Variants in PPP4R4 observed in about 807,000 individuals in gnomAD.
The protein encoded by PPP4R4 is protein phosphatase 4 regulatory subunit 4.
In PPP4R4, 70 loss-of-function variants were observed where a neutral mutation model predicts 121.8. The ratio of observed to expected loss-of-function variants is 0.57; its 90% confidence interval spans 0.47 to 0.70. The LOEUF (loss-of-function observed/expected upper bound fraction) is 0.70. Ranked by LOEUF, PPP4R4 falls within the 30% of genes least tolerant of loss-of-function variation. PPP4R4 has a pLI of 0.00. For synonymous variants in PPP4R4, 348 were observed against 355.7 expected (o/e 0.98, Z 0.24); for missense variants, 875 against 1,033.6 (o/e 0.85, Z 2.10).
At chr14:94,260,747 T>A (rs4905175) in intron 19 of PPP4R4, among the ~76,000 whole-genome samples, 35,836 of 151,928 alleles carry the variant, frequency 0.24, 5,066 homozygotes, top group East Asian at 0.59. Context: ...TATTATGAAT[T>A]TTTTCTTGGA....
intron 8 of PPP4R4, among the ~76,000 whole-genome samples, chr14:94,239,274 G>A (rs1056149109): frequency 2.7e-5 from 4 of 149,482 alleles, no homozygotes; most frequent in African/African-American, 9.9e-5. Context: ...ATGTATACAT[G>A]TGCCATGTTG....
chr14:94,262,245 T>C (rs1241241657), intron 19 of PPP4R4, among the ~76,000 whole-genome samples: 1 of 151,992 alleles, frequency 6.6e-6, no homozygotes, highest in Non-Finnish European at 1.5e-5. Flanking sequence ...AATGTAGATC[T>C]TCTGTTTCTT....
intron 23 of PPP4R4, among the ~76,000 whole-genome samples, chr14:94,270,379 T>C (rs1894259915): frequency 6.6e-6 from 1 of 152,220 alleles, no homozygotes; most frequent in African/African-American, 2.4e-5. Context: ...ATTTATAAGC[T>C]GATTCTAAAA....
chr14:94,225,877 T>C (rs1056930752), intron 3 of PPP4R4, among the ~76,000 whole-genome samples: 12 of 152,194 alleles, frequency 7.9e-5, no homozygotes, highest in Non-Finnish European at 1.3e-4. Context: ...CTGTTTCCTC[T>C]TTCTTATAGA....
In PPP4R4 at chr14:94,273,459, G is replaced by A. The variant is rs118029897; in HGVS notation, c.2450-1915G>A. ...ATAAGTAGTTGTCAGGGGTTCGGGG[G>A]AAGGAGAAATGAATAGATGGAGCAC... On this transcript the variant is annotated intron_variant, in intron 23 of 24. Transcript: ENST00000304338. Among the ~76,000 whole-genome samples the A allele has an allele frequency of 4.0e-4, 61 of 152,260 alleles. No individual in the cohort carries two copies. The East Asian group carries it at 9.8e-3, about 25-fold the overall frequency.
intron 19 of PPP4R4, among the ~76,000 whole-genome samples, chr14:94,262,504 A>G (rs916474560): frequency 6.6e-6 from 1 of 151,786 alleles, no homozygotes; most frequent in African/African-American, 2.4e-5. Flanking sequence ...ACATATTGTT[A>G]TTATTATATC....
Position 94,174,428 on chromosome 14 carries a change from GCCGCTCCGGC to G in PPP4R4, c.-34_-25del, listed in dbSNP as rs773108417. 2.7e-6 allele frequency: 4 copies of G among 1,504,242 alleles called. No individual in the cohort carries two copies. In the South Asian group the frequency reaches 5.0e-5, roughly 19 times the overall value. 93.2% of individuals were successfully genotyped at this position (1,504,242 alleles called of 1,614,324 possible). ...GGCTGAGGGCGTCCGGCATCCCGGGGCCGCTCCGGCCCGGGCGGCGAGAGTGCCCGGCGGT... is the reference window on the plus strand; with the variant it reads ...GGCTGAGGGCGTCCGGCATCCCGGGGCCGGGCGGCGAGAGTGCCCGGCGGT... On this transcript the variant is annotated 5_prime_UTR_variant, in exon 1 of 25. Coordinates refer to ENST00000304338, the MANE Select transcript of PPP4R4 (RefSeq NM_058237.2).
At chr14:94,208,698 A>T (rs1890590379) in intron 3 of PPP4R4, 132 bp downstream of exon 3, 1 of 514,660 alleles carries the variant, frequency 1.9e-6, no homozygotes, top group Admixed American at 3.6e-5. Flanking sequence ...GTGTTATTAT[A>T]TACATTTTGA....
intron 2 of PPP4R4, among the ~76,000 whole-genome samples, chr14:94,205,976 A>G (rs1890434717): frequency 6.6e-6 from 1 of 152,016 alleles, no homozygotes; most frequent in Non-Finnish European, 1.5e-5. Context: ...ATAAATGTCT[A>G]CTAAATCTTG....
At chr14:94,232,452 A>C (rs1892088483) in intron 5 of PPP4R4, among the ~76,000 whole-genome samples, 1 of 152,232 alleles carries the variant, frequency 6.6e-6, no homozygotes, top group Non-Finnish European at 1.5e-5. Flanking sequence ...CTAGATGATT[A>C]TGCATATTTA....
At chr14:94,230,471 CAT>C (rs3833506) in intron 3 of PPP4R4, 114 bp from the exon 4 acceptor site, 184,316 of 912,556 alleles carry the variant, frequency 0.2, 22,045 homozygotes, top group East Asian at 0.59. Context: ...CCTTAAAGGT[CAT>C]ATGTCTTAAT....
intron 3 of PPP4R4, among the ~76,000 whole-genome samples, chr14:94,219,025 A>G (rs936682251): frequency 1.3e-5 from 2 of 151,958 alleles, no homozygotes; most frequent in Non-Finnish European, 2.9e-5. Context: ...AATTATATCA[A>G]ATCTATACCA....
intron 3 of PPP4R4, among the ~76,000 whole-genome samples, chr14:94,224,603 A>G (rs905489075): frequency 2.0e-5 from 3 of 152,174 alleles, no homozygotes; most frequent in Non-Finnish European, 4.4e-5. Context: ...AGACTAGAGA[A>G]AGCCCACATT....
At chr14:94,267,068 T>C in intron 23 of PPP4R4, 39 bp downstream of exon 23, 1 of 1,383,916 alleles carries the variant, frequency 7.2e-7, no homozygotes, top group South Asian at 1.2e-5. Context: ...GTTGCTAAAT[T>C]TAACAAAATA....
At chr14:94,277,430 T>C (rs1488160911) in intron 24 of PPP4R4, among the ~76,000 whole-genome samples, 1 of 152,200 alleles carries the variant, frequency 6.6e-6, no homozygotes, top group African/African-American at 2.4e-5. Context: ...TCGCTGTGCA[T>C]GTCTGTCACA....
At chr14:94,231,815 G>A (rs1187519594) in intron 5 of PPP4R4, among the ~76,000 whole-genome samples, 1 of 152,058 alleles carries the variant, frequency 6.6e-6, no homozygotes, top group Admixed American at 6.5e-5. Flanking sequence ...GGATCAGAGG[G>A]CATTAATATT....
intron 3 of PPP4R4, among the ~76,000 whole-genome samples, chr14:94,220,421 A>G (rs1025609005): frequency 6.6e-6 from 1 of 152,176 alleles, no homozygotes; most frequent in Non-Finnish European, 1.5e-5. Context: ...AGGCAACAAA[A>G]AGAAAAAGCA....
intron 15 of PPP4R4, among the ~76,000 whole-genome samples, chr14:94,251,231 A>G (rs1893163822): frequency 1.3e-5 from 2 of 152,074 alleles, no homozygotes; most frequent in African/African-American, 4.8e-5. Flanking sequence ...ATATGACTGT[A>G]TCTACTTTAG....
intron 11 of PPP4R4, among the ~76,000 whole-genome samples, 180 bp from the exon 12 acceptor site, chr14:94,244,455 A>C (rs528308843): frequency 1.3e-5 from 2 of 152,226 alleles, no homozygotes; most frequent in African/African-American, 2.4e-5. Flanking sequence ...GTCACGAGGC[A>C]GACTAGAAAG....
Sources: gnomAD v4.1 joint callset for allele counts (sites outside exome capture counted in the v4.1 genomes callset) on GRCh38, gnomAD v4.1.1 for gene constraint, MANE v1.5 for transcripts, NCBI Gene and HGNC (gene_info 2026-07-23, HGNC 2026-07-21) for gene names.